UBR3: variants seen among roughly 807,000 people sequenced by gnomAD.
UBR3 encodes the protein ubiquitin protein ligase E3 component n-recognin 3.
A neutral mutation model predicts 243.2 loss-of-function variants in UBR3; 85 were observed. That is an observed-to-expected ratio of 0.35 (90% CI 0.29 to 0.42). The LOEUF (loss-of-function observed/expected upper bound fraction) is 0.42, where lower values mean the gene tolerates loss of function less well. Among genes scored for constraint, UBR3 ranks in the 10% least tolerant of loss-of-function variants. The probability of loss-of-function intolerance (pLI) is 1.00; values close to 1 mark genes in which losing one functional copy is unlikely to be tolerated. For synonymous variants in UBR3, 748 were observed against 799.8 expected (o/e 0.94, Z 1.09); for missense variants, 1,686 against 2,300.8 (o/e 0.73, Z 5.47).
chr2:169,844,567 C>T (rs1386913110), intron 1 of UBR3, among the ~76,000 whole-genome samples: 1 of 150,140 alleles, frequency 6.7e-6, no homozygotes, highest in East Asian at 2.0e-4. Flanking sequence ...AGTCGTGGCT[C>T]ACTGCAACCT....
chr2:169,911,852 A>G (rs1191049953), intron 10 of UBR3, among the ~76,000 whole-genome samples: 1 of 152,190 alleles, frequency 6.6e-6, no homozygotes, highest in Non-Finnish European at 1.5e-5. Flanking sequence ...AGTGCCATTA[A>G]TTTGTTTTCA....
In UBR3 at chr2:169,925,200, G is replaced by A. The variant is rs117996266; in HGVS notation, c.2023-419G>A. On this transcript the variant is annotated intron_variant, in intron 13 of 38. Transcript: ENST00000272793. ...TTAGGGTGAATTAAAGATGTAGAAT[G>A]TATTCATTGACTTTGAACAGTTGGT... is the stretch of plus-strand genomic sequence containing the variant. Among the ~76,000 whole-genome samples the A allele has an allele frequency of 1.2e-4, 18 of 152,290 alleles. No individual in the cohort carries two copies. The East Asian group carries it at 2.9e-3, about 24-fold the overall frequency.
chr2:170,055,541 A>G lies in UBR3; in HGVS notation c.4742A>G (p.Glu1581Gly), dbSNP rs1424015666. ...ALAALSVKCS[E>G]EDRSAWKHAG... ...GCAGCACTCTCAGTTAAATGCAGCG[A>G]AGAAGATAGGTCAGCCTGGAAACAC... is the stretch of plus-strand genomic sequence containing the variant. The change falls in exon 33 of 39, where the codon GAA becomes GGA. Residue 1581 changes from glutamate (E) to glycine (G), a missense_variant. Physicochemically the swap from Glu to Gly is moderately conservative, Grantham distance 98. This residue lies in a region of UBR3 where 371 missense variants were observed against 422.5 expected (regional missense o/e 0.88). Transcript: ENST00000272793. The G allele has an allele frequency of 1.2e-6, 2 of 1,613,632 alleles. No homozygotes were observed. Among genetic ancestry groups the G allele is most frequent in the East Asian group, 2.2e-5 (1 of 44,872 alleles).
intron 10 of UBR3, among the ~76,000 whole-genome samples, chr2:169,910,786 A>G (rs2085223069): frequency 6.6e-6 from 1 of 152,162 alleles, no homozygotes; most frequent in Non-Finnish European, 1.5e-5. Context: ...AAATGACTTA[A>G]GTTCACATAG....
chr2:169,834,722 T>A (rs2082031011), intron 1 of UBR3, among the ~76,000 whole-genome samples: 1 of 152,212 alleles, frequency 6.6e-6, no homozygotes, highest in South Asian at 2.1e-4. Context: ...TATTTGAGTA[T>A]GCATCTCAGT....
chr2:169,844,632 T>G (rs1375816844), intron 1 of UBR3, among the ~76,000 whole-genome samples: 3 of 151,816 alleles, frequency 2.0e-5, no homozygotes, highest in Non-Finnish European at 4.4e-5. Context: ...TAGCTGGAAC[T>G]ACAGGTGTGC....
rs964963703 is a variant in UBR3 at position 169,940,532 on chromosome 2, T to C, written c.2664-1961T>C. Among the ~76,000 whole-genome samples the C allele has an allele frequency of 2.0e-5, 3 of 152,362 alleles. No homozygotes were observed. The East Asian group carries it at 5.8e-4, about 29-fold the overall frequency. Reference sequence around the variant, plus strand: ...CTTTGCATTCTACATAGTCAATTTTTATAAATATTCTAAGCGCTGTTAAAA... The same window carrying C: ...CTTTGCATTCTACATAGTCAATTTTCATAAATATTCTAAGCGCTGTTAAAA... On this transcript the variant is annotated intron_variant, in intron 19 of 38. Coordinates refer to ENST00000272793, the MANE Select transcript of UBR3 (RefSeq NM_172070.4).
At chr2:169,895,121 T>G in intron 6 of UBR3, 60 bp from the exon 7 acceptor site, 23 of 1,428,942 alleles carry the variant, frequency 1.6e-5, no homozygotes, top group Non-Finnish European at 2.1e-5. Flanking sequence ...GGGTTATTAG[T>G]TATAAAATGA....
chr2:169,974,935 A>T (rs959739473), intron 24 of UBR3, among the ~76,000 whole-genome samples: 1 of 152,150 alleles, frequency 6.6e-6, no homozygotes, highest in African/African-American at 2.4e-5. Context: ...TGATCCCAGC[A>T]CTTTGGGAGT....
At chr2:170,009,663 T>G (rs1472878947) in intron 29 of UBR3, among the ~76,000 whole-genome samples, 8 of 152,172 alleles carry the variant, frequency 5.3e-5, no homozygotes, top group Admixed American at 5.2e-4. Flanking sequence ...AAACTGACTC[T>G]GTACATCCTT....
At chr2:169,964,243 G>C (rs998043213) in intron 24 of UBR3, 1 of 274,324 alleles carries the variant, frequency 3.6e-6, no homozygotes, top group Non-Finnish European at 7.5e-6. Flanking sequence ...AGTTACTTAA[G>C]AGCAGTCCTT....
intron 25 of UBR3, among the ~76,000 whole-genome samples, chr2:169,987,886 T>G (rs911448331): frequency 2.1e-5 from 2 of 96,990 alleles, no homozygotes; most frequent in African/African-American, 4.5e-5. Flanking sequence ...GCCAAATATG[T>G]TTTTTTCTTT....
chr2:169,902,817 C>T (rs1264374229), intron 8 of UBR3, among the ~76,000 whole-genome samples: 2 of 152,114 alleles, frequency 1.3e-5, no homozygotes, highest in Non-Finnish European at 2.9e-5. Flanking sequence ...ACCATGTTGG[C>T]GAGGCTGGTC....
intron 32 of UBR3, among the ~76,000 whole-genome samples, chr2:170,051,020 C>T (rs1020350395): frequency 6.6e-6 from 1 of 152,108 alleles, no homozygotes; most frequent in Non-Finnish European, 1.5e-5. Flanking sequence ...TAAATCATCT[C>T]TAGATTACTT....
intron 30 of UBR3, among the ~76,000 whole-genome samples, chr2:170,017,550 C>G (rs866905817): frequency 1.1e-3 from 105 of 93,048 alleles, no homozygotes; most frequent in Non-Finnish European, 1.5e-3. Context: ...CACACAGACA[C>G]ACACACACAC....
In UBR3 at chr2:169,875,948, T is replaced by A. The variant is rs1261133534; in HGVS notation, c.843T>A (p.Ser281=). The A allele has an allele frequency of 6.6e-7, 1 of 1,511,956 alleles. No individual in the cohort carries two copies. The highest frequency in any genetic ancestry group is 1.4e-5 in the African/African-American group (1 of 70,666). 93.7% of individuals were successfully genotyped at this position (1,511,956 alleles called of 1,614,324 possible). ...AACAAAACTACAAAGATCTGACTTC[T>A]GGTGAGTAAAATGTTAGAAGAAATT... ...TNQQNYKDLT[S]GLGENACVKK... is the part of the protein sequence containing the mutation. The change falls in exon 3 of 39, where the codon TCT becomes TCA. Residue 281 remains serine (S), a splice_region_variant and synonymous_variant. Transcript: ENST00000272793.
intron 27 of UBR3, among the ~76,000 whole-genome samples, chr2:170,004,641 T>C (rs1246191433): frequency 6.6e-6 from 1 of 152,216 alleles, no homozygotes. Context: ...CCAGGTACGG[T>C]GGCTCATGCC....
At chr2:169,890,485 T>C (rs527871132) in intron 5 of UBR3, among the ~76,000 whole-genome samples, 5 of 146,922 alleles carry the variant, frequency 3.4e-5, no homozygotes, top group Admixed American at 2.7e-4. Flanking sequence ...CCCTTTTTTT[T>C]CCCCATAAGC....
intron 30 of UBR3, among the ~76,000 whole-genome samples, chr2:170,019,500 A>G (rs932889209): frequency 2.0e-5 from 3 of 152,050 alleles, no homozygotes; most frequent in Non-Finnish European, 2.9e-5. Flanking sequence ...CCTGGGCAAC[A>G]TAGGGAGAAC....
Sources: gnomAD v4.1 joint callset for allele counts (sites outside exome capture counted in the v4.1 genomes callset) on GRCh38, gnomAD v4.1.1 for gene constraint, gnomAD v4.1.1 regional missense constraint, MANE v1.5 for transcripts, NCBI Gene and HGNC (gene_info 2026-07-23, HGNC 2026-07-21) for gene names.